ADCY3: variants seen among roughly 807,000 people sequenced by gnomAD.
ADCY3 encodes the protein adenylate cyclase type 3.
In ADCY3, 70 loss-of-function variants were observed where a neutral mutation model predicts 119.4. The observed-to-expected ratio is 0.59, with a 90% CI of 0.48 to 0.72. ADCY3 has a LOEUF of 0.72. Among genes scored for constraint, ADCY3 ranks in the 30% least tolerant of loss-of-function variants. The probability of loss-of-function intolerance (pLI) is 0.00; values close to 1 mark genes in which losing one functional copy is unlikely to be tolerated. For synonymous variants in ADCY3, 672 were observed against 621.4 expected (o/e 1.08, Z -1.21); for missense variants, 1,238 against 1,541.6 (o/e 0.80, Z 3.30).
In ADCY3 at chr2:24,841,475, A is replaced by G. The variant is rs1671006876; in HGVS notation, c.1068+81T>C. On this transcript the variant is annotated intron_variant, in intron 5 of 21. Transcript: ENST00000679454. This position sits in a 1 kb window ranked among gnomAD's most constrained non-coding sequence, Gnocchi z 5.8. ...AGCAGAGGAAGGACAGTGGGAGAAA[A>G]TCATGGGGCCGGGGATGGGGGCCAG... 6.3e-7 allele frequency: 1 copy of G among 1,589,648 alleles called. No individual in the cohort carries two copies. The highest frequency in any genetic ancestry group is 1.8e-5 in the Admixed American group (1 of 56,476).
intron 13 of ADCY3, among the ~76,000 whole-genome samples, chr2:24,829,979 T>C (rs1452346974): frequency 6.6e-6 from 1 of 151,286 alleles, no homozygotes; most frequent in Non-Finnish European, 1.5e-5. Context: ...GGACTGGGAC[T>C]TAGAACTGCC....
At chr2:24,884,665 C>G (rs1285272029) in intron 2 of ADCY3, among the ~76,000 whole-genome samples, 1 of 151,858 alleles carries the variant, frequency 6.6e-6, no homozygotes, top group Non-Finnish European at 1.5e-5. Flanking sequence ...TTAGTAGAGA[C>G]AGGGTTTTGC....
chr2:24,820,042 TC>T lies in ADCY3; in HGVS notation c.3324del (p.Lys1109ArgfsTer7). On this transcript the variant is annotated frameshift_variant, in exon 22 of 22. Coordinates refer to ENST00000679454, the MANE Select transcript of ADCY3 (RefSeq NM_004036.5). LOFTEE classifies it high-confidence loss of function. ...AAGGTCAGCAGCTCCCCCTTCCCCT[TC>T]ACAAAGATGGGGCCTCGCCTCACAA... ...FRFVRRGPIFVKGKGELLTFF... is the reference protein window; with the variant it reads ...FRFVRRGPIFXKGKGELLTFF... 1 of 1,607,214 alleles carries T rather than the reference TC, an allele frequency of 6.2e-7. No homozygotes were observed. The highest frequency in any genetic ancestry group is 8.5e-7 in the Non-Finnish European group (1 of 1,177,012).
chr2:24,887,517 C>T (rs1204129959), intron 2 of ADCY3, among the ~76,000 whole-genome samples: 6 of 152,134 alleles, frequency 3.9e-5, no homozygotes, highest in Non-Finnish European at 7.4e-5. Context: ...GGCCAAGTCC[C>T]GAGGGGTTCA....
At position 24,918,622 on chromosome 2, in the gene ADCY3, G is replaced by T; in HGVS notation, c.366C>A (p.Phe122Leu). 1 of 1,614,170 alleles carries T rather than the reference G, an allele frequency of 6.2e-7. No individual in the cohort carries two copies. The highest frequency in any genetic ancestry group is 8.5e-7 in the Non-Finnish European group (1 of 1,180,042). ...GGAGCAGCCCCTTTTTGCAGAGCAC[G>T]AAGAGGATGATGTCCAACACCAGTC... is the stretch of plus-strand genomic sequence containing the variant. ...GIGLVLDIIL[F>L]VLCKKGLLPD... The change falls in exon 2 of 22, where the codon TTC becomes TTA. Residue 122 changes from phenylalanine to leucine, a missense_variant. Physicochemically the swap from Phe to Leu is conservative, Grantham distance 22. Around this residue, in one of 7 missense-constraint regions of ADCY3, gnomAD observed 227 missense variants for 249.3 expected, o/e 0.91. Transcript: ENST00000679454. This position sits in a 1 kb window ranked among gnomAD's most constrained non-coding sequence, Gnocchi z 5.4.
chr2:24,820,699 G>A (rs375457295), intron 21 of ADCY3, 25 bp downstream of exon 21: 10 of 1,613,380 alleles, frequency 6.2e-6, no homozygotes, highest in Middle Eastern at 1.6e-4. Context: ...GTCTGAGCAC[G>A]TGCCAGCTGT....
At chr2:24,892,755 C>T (rs953271181) in intron 2 of ADCY3, among the ~76,000 whole-genome samples, 1 of 152,322 alleles carries the variant, frequency 6.6e-6, no homozygotes, top group East Asian at 1.9e-4. Flanking sequence ...AAATGTCCCT[C>T]GCTATCCCTG....
At chr2:24,906,597 G>A (rs1365555569) in intron 2 of ADCY3, among the ~76,000 whole-genome samples, 3 of 152,214 alleles carry the variant, frequency 2.0e-5, no homozygotes, top group South Asian at 2.1e-4. Context: ...CAGTGGGGTC[G>A]GCCCCCAGCC....
Position 24,841,616 on chromosome 2 carries a change from A to G in ADCY3, c.1008T>C (p.Ser336=), listed in dbSNP as rs781095918. 6.8e-6 allele frequency: 11 copies of G among 1,613,690 alleles called. No individual in the cohort carries two copies. The highest frequency in any genetic ancestry group is 3.3e-5 in the Admixed American group (2 of 60,006). ...VGFTQLSSAC[S]AQELVKLLNE... ...TGAGCAGCTTCACAAGCTCCTGGGCACTGCAGGCAGAAGACAGCTGGGTAA... is the reference window on the plus strand; with the variant it reads ...TGAGCAGCTTCACAAGCTCCTGGGCGCTGCAGGCAGAAGACAGCTGGGTAA... Residue 336 remains serine (S), a synonymous_variant, in exon 5 of 22, where the codon AGT becomes AGC. Coordinates refer to ENST00000679454, the MANE Select transcript of ADCY3 (RefSeq NM_004036.5). The surrounding 1 kb of genome is among the most constrained non-coding windows in gnomAD (Gnocchi z 5.8).
At chr2:24,917,812 T>G (rs1664639540) in intron 2 of ADCY3, among the ~76,000 whole-genome samples, 1 of 152,134 alleles carries the variant, frequency 6.6e-6, no homozygotes, top group African/African-American at 2.4e-5. Flanking sequence ...CCTTCACGTA[T>G]CCTAATGCGC....
rs1672929818 is a variant in ADCY3, at chr2:24,855,825, G to A, written c.826-13441C>T. Among the ~76,000 whole-genome samples the A allele has an allele frequency of 2.0e-5, 3 of 152,304 alleles. No homozygotes were observed. The South Asian group carries it at 6.2e-4, about 32-fold the overall frequency. ...GATCTCAGCTGAGAGCAGATGTGTT[G>A]AGCTTCTCACCCCAGGGCAATCTGT... On this transcript the variant is annotated intron_variant, in intron 3 of 21. Coordinates refer to ENST00000679454, the MANE Select transcript of ADCY3 (RefSeq NM_004036.5).
chr2:24,852,595 G>C (rs1672453878), intron 3 of ADCY3, among the ~76,000 whole-genome samples: 1 of 152,236 alleles, frequency 6.6e-6, no homozygotes, highest in Non-Finnish European at 1.5e-5. Context: ...CGTGTACTCA[G>C]AAAGTACTCA....
intron 2 of ADCY3, among the ~76,000 whole-genome samples, chr2:24,917,555 C>G (rs1472918641): frequency 6.6e-6 from 1 of 152,214 alleles, no homozygotes; most frequent in Non-Finnish European, 1.5e-5. Flanking sequence ...GAACACAATA[C>G]TATAATAGTT....
rs181574818 is a variant in ADCY3, at chr2:24,842,247, G to A, written c.956+7C>T. The A allele has an allele frequency of 1.6e-4, 257 of 1,613,942 alleles. 1 individual carries two copies. The Middle Eastern group carries it at 1.8e-3, about 11-fold the overall frequency. On this transcript the variant is annotated splice_region_variant and intron_variant, in intron 4 of 21. Coordinates refer to ENST00000679454, the MANE Select transcript of ADCY3 (RefSeq NM_004036.5). This position sits in a 1 kb window ranked among gnomAD's most constrained non-coding sequence, Gnocchi z 4.9. ...GCCATCAGAGCCCGCGCCCCGGGCC[G>A]GCGTACCTGACGTTCTCGTGACGGT... is the stretch of plus-strand genomic sequence containing the variant.
intron 2 of ADCY3, among the ~76,000 whole-genome samples, chr2:24,906,568 T>C (rs1006368424): frequency 2.0e-5 from 3 of 152,176 alleles, no homozygotes; most frequent in Admixed American, 6.5e-5. Context: ...TTGTCCACAG[T>C]AGAAAATGTG....
chr2:24,889,981 A>C (rs1241039413), intron 2 of ADCY3, among the ~76,000 whole-genome samples: 2 of 152,254 alleles, frequency 1.3e-5, no homozygotes, highest in African/African-American at 4.8e-5. Context: ...GCCTTTTCTC[A>C]GGTTGAAGAA....
intron 2 of ADCY3, among the ~76,000 whole-genome samples, chr2:24,888,433 G>A (rs1261355947): frequency 6.6e-6 from 1 of 152,230 alleles, no homozygotes; most frequent in African/African-American, 2.4e-5. Context: ...TGCCGGTGCT[G>A]AACTGACCGA....
intron 20 of ADCY3, 85 bp downstream of exon 20, chr2:24,821,432 G>A: frequency 7.0e-6 from 11 of 1,561,368 alleles, no homozygotes; most frequent in Non-Finnish European, 9.6e-6. Flanking sequence ...CAGTTGTCCT[G>A]AGCCTCATGT....
At chr2:24,911,217 CTTTTTTTT>C (rs61442701) in intron 2 of ADCY3, among the ~76,000 whole-genome samples, 1 of 93,484 alleles carries the variant, frequency 1.1e-5, no homozygotes, top group Non-Finnish European at 2.0e-5. Context: ...TATAAGGGTT[CTTTTTTTT>C]TTTTTTTTTT....
Sources: allele counts gnomAD v4.1 joint callset (sites outside exome capture counted in the v4.1 genomes callset), GRCh38; gene constraint gnomAD v4.1.1; regional missense constraint gnomAD v4.1.1; non-coding constraint Gnocchi (gnomAD v3.1); transcripts MANE v1.5; gene names NCBI Gene and HGNC (gene_info 2026-07-23, HGNC 2026-07-21).